The following TNFRSF21 variants were observed in gnomAD, a reference collection of about 807,000 sequenced individuals.
TNFRSF21 encodes the protein tumor necrosis factor receptor superfamily member 21.
Under a neutral mutation model 45.6 loss-of-function variants are expected in TNFRSF21, and 19 were observed. That is an observed-to-expected ratio of 0.42 (90% CI 0.29 to 0.61). The LOEUF (loss-of-function observed/expected upper bound fraction) is 0.61, where lower values mean the gene tolerates loss of function less well. TNFRSF21 is among the 20% of genes least tolerant of loss of function. TNFRSF21 has a pLI of 0.23. For missense variants in TNFRSF21, 737 were observed against 851.5 expected, an observed-to-expected ratio of 0.87 and a Z score of 1.67; for synonymous variants, 314 against 335.5, an observed-to-expected ratio of 0.94 and a Z score of 0.70.
chr6:47,280,283 C>T (rs1358430262), intron 3 of TNFRSF21, among the ~76,000 whole-genome samples: 1 of 152,138 alleles, frequency 6.6e-6, no homozygotes. Flanking sequence ...GTGAAATAGA[C>T]AAGGACCAGG....
chr6:47,255,273 G>A (rs1206679307), intron 3 of TNFRSF21, among the ~76,000 whole-genome samples: 3 of 152,182 alleles, frequency 2.0e-5, no homozygotes, highest in Non-Finnish European at 4.4e-5. Context: ...CCAACCGTTC[G>A]TGAGGGGAGG....
chr6:47,262,451 A>G (rs1017468019), intron 3 of TNFRSF21, among the ~76,000 whole-genome samples: 1 of 152,252 alleles, frequency 6.6e-6, no homozygotes, highest in African/African-American at 2.4e-5. Context: ...GGTACAGGAG[A>G]TATGGCAGTG....
chr6:47,299,020 T>C (rs1430924309), intron 1 of TNFRSF21, among the ~76,000 whole-genome samples: 1 of 152,216 alleles, frequency 6.6e-6, no homozygotes, highest in East Asian at 1.9e-4. Flanking sequence ...ACCACAAATA[T>C]GACACTAAAG....
chr6:47,234,242 G>A (rs1300084441), intron 5 of TNFRSF21, among the ~76,000 whole-genome samples: 1 of 152,140 alleles, frequency 6.6e-6, no homozygotes, highest in Non-Finnish European at 1.5e-5. Flanking sequence ...CTTCCAAAGT[G>A]CTCGGATTAC....
At chr6:47,236,899 C>G (rs1764671102) in intron 4 of TNFRSF21, among the ~76,000 whole-genome samples, 1 of 152,186 alleles carries the variant, frequency 6.6e-6, no homozygotes, top group Non-Finnish European at 1.5e-5. Flanking sequence ...GAAATTTCCA[C>G]CCACAAATCA....
chr6:47,266,609 A>G (rs1762336027), intron 3 of TNFRSF21, among the ~76,000 whole-genome samples: 1 of 151,150 alleles, frequency 6.6e-6, no homozygotes, highest in African/African-American at 2.4e-5. Flanking sequence ...TCAAACTGGG[A>G]CATCAAAGTT....
chr6:47,239,325 A>C (rs1185830505), intron 4 of TNFRSF21, among the ~76,000 whole-genome samples: 2 of 150,988 alleles, frequency 1.3e-5, no homozygotes, highest in Non-Finnish European at 2.9e-5. Flanking sequence ...ACTGAAGCCC[A>C]AAAATAATTC....
chr6:47,258,202 C>G (rs1765017078), intron 3 of TNFRSF21, among the ~76,000 whole-genome samples: 1 of 151,840 alleles, frequency 6.6e-6, no homozygotes, highest in African/African-American at 2.4e-5. Flanking sequence ...AACCCTGTCT[C>G]TACTAAAAAT....
At chr6:47,305,759 G>C (rs1209022858) in intron 1 of TNFRSF21, among the ~76,000 whole-genome samples, 1 of 152,180 alleles carries the variant, frequency 6.6e-6, no homozygotes, top group Non-Finnish European at 1.5e-5. Flanking sequence ...CATAATGCTT[G>C]CAAAAGAGTT....
At chr6:47,264,259 G>A (rs1259487423) in intron 3 of TNFRSF21, among the ~76,000 whole-genome samples, 1 of 152,178 alleles carries the variant, frequency 6.6e-6, no homozygotes, top group African/African-American at 2.4e-5. Flanking sequence ...CGGGTGCGGT[G>A]GCTCACACCT....
chr6:47,288,645 G>A (rs1762680691), intron 1 of TNFRSF21, among the ~76,000 whole-genome samples: 1 of 151,992 alleles, frequency 6.6e-6, no homozygotes, highest in Non-Finnish European at 1.5e-5. Context: ...ATGTTAAGCT[G>A]CCATTTCATG....
chr6:47,259,306 A>C (rs931354961), intron 3 of TNFRSF21, among the ~76,000 whole-genome samples: 15 of 151,986 alleles, frequency 9.9e-5, no homozygotes, highest in African/African-American at 3.4e-4. Context: ...TTTTCCTTAC[A>C]TTGAAAAGTA....
At chr6:47,277,655 C>A (rs1762516852) in intron 3 of TNFRSF21, among the ~76,000 whole-genome samples, 1 of 152,166 alleles carries the variant, frequency 6.6e-6, no homozygotes, top group Non-Finnish European at 1.5e-5. Context: ...CAAAGGGAAA[C>A]CAGACTCCAG....
intron 3 of TNFRSF21, among the ~76,000 whole-genome samples, chr6:47,255,724 A>G (rs1226225310): frequency 6.6e-6 from 1 of 152,146 alleles, no homozygotes; most frequent in Non-Finnish European, 1.5e-5. Context: ...TGGCCTCCCA[A>G]AGTGCTGGGA....
chr6:47,282,286 G>C (rs1762578846), intron 3 of TNFRSF21, among the ~76,000 whole-genome samples: 1 of 151,192 alleles, frequency 6.6e-6, no homozygotes, highest in Admixed American at 6.6e-5. Flanking sequence ...TCAGGAGGCT[G>C]AGGCAGGAGA....
At chr6:47,298,648 C>A (rs911428495) in intron 1 of TNFRSF21, among the ~76,000 whole-genome samples, 2 of 152,162 alleles carry the variant, frequency 1.3e-5, no homozygotes, top group African/African-American at 4.8e-5. Context: ...TTTATTGGAA[C>A]ACAGCCACAC....
intron 3 of TNFRSF21, among the ~76,000 whole-genome samples, chr6:47,268,982 AG>A (rs1228933123): frequency 9.2e-5 from 14 of 152,218 alleles, no homozygotes; most frequent in Non-Finnish European, 1.9e-4. Context: ...TGTACTGAGC[AG>A]AAGAACCCTG....
Position 47,253,262 on chromosome 6 carries a change from G to A in TNFRSF21, c.1503C>T (p.Thr501=), listed in dbSNP as rs768920059. The change falls in exon 4 of 6, where the codon ACC becomes ACT. Residue 501 remains threonine (T), a synonymous_variant. Coordinates refer to ENST00000296861, the MANE Select transcript of TNFRSF21 (RefSeq NM_014452.5). ...ACAACAAGGGCTCCATTACCTGGGT[G>A]GTGTCTTCCATCAGCCCACGAATCT... ...VEKIRGLMED[T]TQLETDKLAL... 6 of 1,612,404 alleles carry A rather than the reference G, an allele frequency of 3.7e-6. No homozygotes were observed. The Admixed American group carries it at 1.0e-4, about 27-fold the overall frequency.
chr6:47,275,285 A>G (rs1251227547), intron 3 of TNFRSF21, among the ~76,000 whole-genome samples: 1 of 152,192 alleles, frequency 6.6e-6, no homozygotes, highest in Non-Finnish European at 1.5e-5. Context: ...ACTGGATTAA[A>G]AAAATGTGGC....
Sources: gnomAD v4.1 joint callset for allele counts (sites outside exome capture counted in the v4.1 genomes callset) on GRCh38, gnomAD v4.1.1 for gene constraint, MANE v1.5 for transcripts, NCBI Gene and HGNC (gene_info 2026-07-23, HGNC 2026-07-21) for gene names.